MBD2: variants seen among roughly 807,000 people sequenced by gnomAD.
The protein encoded by MBD2 is methyl-CpG-binding domain protein 2.
Under a neutral mutation model 39.3 loss-of-function variants are expected in MBD2, and 9 were observed. The observed-to-expected ratio is 0.23, with a 90% CI of 0.14 to 0.40. The LOEUF (loss-of-function observed/expected upper bound fraction) is 0.40. Ranked by LOEUF, MBD2 falls within the 10% of genes least tolerant of loss-of-function variation. The pLI, the probability that MBD2 is intolerant of heterozygous loss-of-function variation, is 1.00. For missense variants in MBD2, 458 were observed against 532.6 expected, an observed-to-expected ratio of 0.86 and a Z score of 1.38; for synonymous variants, 233 against 211.1, an observed-to-expected ratio of 1.10 and a Z score of -0.90.
At position 54,207,373 on chromosome 18, in the gene MBD2, G is replaced by T. The variant is rs544620351; in HGVS notation, c.543-2216C>A. Among the ~76,000 whole-genome samples, 76 of 152,278 alleles carry T rather than the reference G, an allele frequency of 5.0e-4. 1 individual carries two copies. The Middle Eastern group carries it at 0.017, about 34-fold the overall frequency. On this transcript the variant is annotated intron_variant, in intron 1 of 6. Transcript: ENST00000256429. ...AGTCTTCTGGGATTCTTCAATTCAA[G>T]TCAGAAATAATCTACTACCACTCGA... is the stretch of plus-strand genomic sequence containing the variant.
chr18:54,224,120 C>A lies in MBD2; in HGVS notation c.440G>T (p.Gly147Val). Residue 147 changes from glycine (G) to valine (V), a missense_variant, in exon 1 of 7, where the codon GGG (glycine) becomes GTG (valine). This residue lies in a region of MBD2 where 269 missense variants were observed against 236.0 expected (regional missense o/e 1.14). Transcript: ENST00000256429. The part of the protein sequence containing the change: ...GPRGPRATES[G>V]KRMDCPALPP... ...GAGGGCCGGGCAATCCATCCTCTTCCCGCTCTCCGTGGCCCGGGGTCCCCT... is the reference window on the plus strand; with the variant it reads ...GAGGGCCGGGCAATCCATCCTCTTCACGCTCTCCGTGGCCCGGGGTCCCCT... The A allele has an allele frequency of 6.4e-7, 1 of 1,566,788 alleles. No individual in the cohort carries two copies. Among genetic ancestry groups the A allele is most frequent in the East Asian group, 2.5e-5 (1 of 40,534 alleles).
chr18:54,194,940 C>A (rs2086353631), intron 2 of MBD2, among the ~76,000 whole-genome samples: 1 of 151,950 alleles, frequency 6.6e-6, no homozygotes, highest in Non-Finnish European at 1.5e-5. Flanking sequence ...TCATAGTGTC[C>A]CTTTATGATA....
intron 5 of MBD2, among the ~76,000 whole-genome samples, chr18:54,160,795 A>G (rs1439664471): frequency 6.6e-6 from 1 of 152,066 alleles, no homozygotes; most frequent in Non-Finnish European, 1.5e-5. Context: ...AAGACAAGAG[A>G]AGAGAGAAGA....
intron 3 of MBD2, among the ~76,000 whole-genome samples, chr18:54,185,216 T>C (rs1295504514): frequency 1.3e-5 from 2 of 152,044 alleles, no homozygotes; most frequent in African/African-American, 2.4e-5. Context: ...CTTCTGGAAG[T>C]AGGTAAAGGA....
At chr18:54,161,882 G>C (rs2086101088) in intron 5 of MBD2, among the ~76,000 whole-genome samples, 2 of 152,190 alleles carry the variant, frequency 1.3e-5, no homozygotes, top group African/African-American at 4.8e-5. Flanking sequence ...TCAATCGAGA[G>C]AGATTATTGT....
At chr18:54,197,756 A>C (rs927449167) in intron 2 of MBD2, among the ~76,000 whole-genome samples, 12 of 152,252 alleles carry the variant, frequency 7.9e-5, no homozygotes, top group Admixed American at 2.6e-4. Flanking sequence ...ATCATCATCA[A>C]AATCATCATC....
chr18:54,180,897 CTTTTTCTTTTT>C (rs577441320), intron 3 of MBD2, among the ~76,000 whole-genome samples: 44,556 of 105,036 alleles, frequency 0.42, 7,613 homozygotes, highest in African/African-American at 0.55. Context: ...TTAATTTTTT[CTTTTTCTTTTT>C]TTTTTTTTTT....
rs1265198224 is a variant in MBD2, at chr18:54,224,183, G to C, written c.377C>G (p.Pro126Arg). Residue 126 changes from proline (P) to arginine (R), a missense_variant, in exon 1 of 7, where the codon CCG becomes CGG. Around this residue, in one of 2 missense-constraint regions of MBD2, gnomAD observed 269 missense variants for 236.0 expected, o/e 1.14. Transcript: ENST00000256429. ...CGCGCTCCCCGACGGGAAAGGGACC[G>C]GCTCCCGCCGGGGGGCGCCGCCGCC... Reference protein sequence around the residue: ...SGGGGAPRREPVPFPSGSAGP... With the variant: ...SGGGGAPRRERVPFPSGSAGP... 25 of 1,245,856 alleles carry C rather than the reference G, an allele frequency of 2.0e-5. No homozygotes were observed. The highest frequency in any genetic ancestry group is 2.3e-5 in the Non-Finnish European group (23 of 996,020). 77.2% of individuals were successfully genotyped at this position (1,245,856 alleles called of 1,614,324 possible).
chr18:54,214,612 C>T (rs1342228486), intron 1 of MBD2, among the ~76,000 whole-genome samples: 8 of 152,182 alleles, frequency 5.3e-5, no homozygotes, highest in South Asian at 2.1e-4. Context: ...ACCAAGCATG[C>T]GCTTCTATTT....
At chr18:54,193,160 T>C (rs976758284) in intron 2 of MBD2, among the ~76,000 whole-genome samples, 2 of 152,256 alleles carry the variant, frequency 1.3e-5, no homozygotes, top group African/African-American at 2.4e-5. Flanking sequence ...TGAGTCACTA[T>C]TAATTTATGC....
chr18:54,215,548 G>A (rs2086550868), intron 1 of MBD2, among the ~76,000 whole-genome samples: 1 of 149,628 alleles, frequency 6.7e-6, no homozygotes, highest in African/African-American at 2.5e-5. Flanking sequence ...GAGTGCAGTG[G>A]CGCGATCTCA....
In MBD2 at chr18:54,153,869, G is replaced by A. The variant is rs1397292575; in HGVS notation, c.*1455C>T. On this transcript the variant is annotated 3_prime_UTR_variant, in exon 7 of 7. Coordinates refer to ENST00000256429, the MANE Select transcript of MBD2 (RefSeq NM_003927.5). ...GTTGAGCGTAAATCAGGAATTCCAA[G>A]AAGTATTTATGTAGTTTGGCATAAA... 1 of 152,232 alleles carries A rather than the reference G, an allele frequency of 6.6e-6. No homozygotes were observed. The highest frequency in any genetic ancestry group is 1.5e-5 in the Non-Finnish European group (1 of 68,076). The allele number at this position is 152,232 out of a possible 1,614,324, so 9.4% of individuals were successfully genotyped here.
intron 2 of MBD2, among the ~76,000 whole-genome samples, chr18:54,203,864 T>G (rs548673558): frequency 1.4e-4 from 22 of 152,302 alleles, no homozygotes; most frequent in Non-Finnish European, 2.8e-4. Flanking sequence ...GGAATTAACA[T>G]AGGTCAAATT....
chr18:54,168,298 C>G (rs879825614), intron 3 of MBD2, among the ~76,000 whole-genome samples: 19 of 151,130 alleles, frequency 1.3e-4, no homozygotes, highest in Non-Finnish European at 2.4e-4. Context: ...GAAAACAATA[C>G]AAAAAATTTA....
Position 54,212,046 on chromosome 18 carries a change from C to T in MBD2, c.543-6889G>A, listed in dbSNP as rs148122221. On this transcript the variant is annotated intron_variant, in intron 1 of 6. Transcript: ENST00000256429. ...AATTTTTTTCTATTTTTAGTAGAGACGGGGTTTCACTATGTTGGTCCTATG... is the reference window on the plus strand; with the variant it reads ...AATTTTTTTCTATTTTTAGTAGAGATGGGGTTTCACTATGTTGGTCCTATG... Among the ~76,000 whole-genome samples the T allele has an allele frequency of 5.3e-5, 8 of 152,130 alleles. No homozygotes were observed. In the East Asian group the frequency reaches 7.7e-4, roughly 15 times the overall value.
intron 1 of MBD2, among the ~76,000 whole-genome samples, chr18:54,212,866 C>CA (rs35697526): frequency 1.3e-5 from 2 of 151,016 alleles, no homozygotes; most frequent in Non-Finnish European, 2.9e-5. Flanking sequence ...TCAGTCTCTA[C>CA]AAAAAAAACA....
chr18:54,215,002 A>G (rs892836618), intron 1 of MBD2, among the ~76,000 whole-genome samples: 1 of 152,090 alleles, frequency 6.6e-6, no homozygotes, highest in Non-Finnish European at 1.5e-5. Context: ...AGCCTACCAA[A>G]CTGCTGGGAT....
chr18:54,194,368 ATTTC>A (rs780822857), intron 2 of MBD2, among the ~76,000 whole-genome samples: 37 of 151,896 alleles, frequency 2.4e-4, no homozygotes, highest in Non-Finnish European at 4.9e-4. Context: ...TTCCAAACTT[ATTTC>A]TTATTTTAAA....
chr18:54,224,173 G>T lies in MBD2; in HGVS notation c.387C>A (p.Phe129Leu), dbSNP rs1399965664. Residue 129 changes from phenylalanine to leucine, a missense_variant, in exon 1 of 7, where the codon TTC (phenylalanine) becomes TTA (leucine). Phe to Leu is a conservative substitution (Grantham distance 22, BLOSUM62 0). Coordinates refer to ENST00000256429, the MANE Select transcript of MBD2 (RefSeq NM_003927.5). ...GCCCCGGCCCCGCGCTCCCCGACGG[G>T]AAAGGGACCGGCTCCCGCCGGGGGG... ...GGAPRREPVP[F>L]PSGSAGPGPR... The T allele has an allele frequency of 7.3e-7, 1 of 1,369,958 alleles. No homozygotes were observed. The highest frequency in any genetic ancestry group is 1.7e-5 in the South Asian group (1 of 58,100). The allele number at this position is 1,369,958 out of a possible 1,614,324, so 84.9% of individuals were successfully genotyped here. A position where few individuals can be genotyped will look rare whatever the true frequency, so the allele number is the denominator to read the frequency against.
Sources: allele counts gnomAD v4.1 joint callset (sites outside exome capture counted in the v4.1 genomes callset), GRCh38; gene constraint gnomAD v4.1.1; regional missense constraint gnomAD v4.1.1; transcripts MANE v1.5; gene names NCBI Gene and HGNC (gene_info 2026-07-23, HGNC 2026-07-21).